The following CATSPERT variants were observed in gnomAD, a reference collection of about 807,000 sequenced individuals.
CATSPERT encodes catsper channel auxiliary subunit tau.
chr2:201,575,410 T>C, the CATSPERT span: 1 of 1,088,398 alleles, frequency 9.2e-7, no homozygotes, highest in Admixed American at 2.8e-5. Context: ...CCCCAACCCC[T>C]AGGCCATGGA....
the CATSPERT span, among the ~76,000 whole-genome samples, chr2:201,599,286 CT>C: frequency 6.6e-6 from 1 of 152,156 alleles, no homozygotes; most frequent in Non-Finnish European, 1.5e-5. Context: ...CAGAAGCTGC[CT>C]TTTCGACCTC....
chr2:201,595,674 A>G, the CATSPERT span, among the ~76,000 whole-genome samples: 24 of 152,190 alleles, frequency 1.6e-4, no homozygotes, highest in African/African-American at 5.8e-4. Flanking sequence ...GTGCTGGGAG[A>G]ACCACTGCTC....
the CATSPERT span, among the ~76,000 whole-genome samples, chr2:201,517,284 G>T: frequency 2.6e-5 from 4 of 152,034 alleles, no homozygotes; most frequent in Admixed American, 1.3e-4. Context: ...TCATTAACAG[G>T]CAAGACAAGG....
At chr2:201,492,027 A>G in the CATSPERT span, 1 of 1,535,960 alleles carries the variant, frequency 6.5e-7, no homozygotes, top group East Asian at 2.5e-5. Flanking sequence ...CTTCTTCCTT[A>G]GTGTAATAAC....
chr2:201,529,889 T>C, the CATSPERT span, among the ~76,000 whole-genome samples: 1 of 151,930 alleles, frequency 6.6e-6, no homozygotes, highest in Admixed American at 6.6e-5. Context: ...ATATATAAGG[T>C]ACACAAACAA....
chr2:201,530,105 G>A, the CATSPERT span, among the ~76,000 whole-genome samples: 15 of 152,084 alleles, frequency 9.9e-5, no homozygotes, highest in Non-Finnish European at 2.2e-4. Flanking sequence ...AGAATGATAC[G>A]TGTTGGCAAG....
At chr2:201,612,836 C>T in the CATSPERT span, among the ~76,000 whole-genome samples, 5 of 152,156 alleles carry the variant, frequency 3.3e-5, no homozygotes, top group African/African-American at 1.2e-4. Context: ...CCTGGAAAAT[C>T]GGGACACTCC....
the CATSPERT span, among the ~76,000 whole-genome samples, chr2:201,540,466 C>T: frequency 6.6e-6 from 1 of 152,186 alleles, no homozygotes; most frequent in Non-Finnish European, 1.5e-5. Flanking sequence ...GAAGCCAATG[C>T]TCATTTACCA....
the CATSPERT span, among the ~76,000 whole-genome samples, chr2:201,489,514 A>G: frequency 6.6e-6 from 1 of 152,324 alleles, no homozygotes; most frequent in East Asian, 1.9e-4. Flanking sequence ...CTATATAGCT[A>G]ATATTTAGCT....
At chr2:201,608,001 G>A in the CATSPERT span, among the ~76,000 whole-genome samples, 3 of 152,290 alleles carry the variant, frequency 2.0e-5, no homozygotes, top group East Asian at 3.9e-4. Flanking sequence ...GCTTTGTCAT[G>A]TAGCTCTAGC....
the CATSPERT span, among the ~76,000 whole-genome samples, chr2:201,613,828 G>A: frequency 6.6e-6 from 1 of 152,130 alleles, no homozygotes; most frequent in Non-Finnish European, 1.5e-5. Context: ...TCAGATGAAT[G>A]GCTAATTAGA....
the CATSPERT span, among the ~76,000 whole-genome samples, chr2:201,530,339 T>C: frequency 1.3e-5 from 2 of 152,188 alleles, no homozygotes; most frequent in African/African-American, 4.8e-5. Flanking sequence ...AGCTAAGATA[T>C]GGAAGCAACT....
At chr2:201,586,766 CTACT>C in the CATSPERT span, among the ~76,000 whole-genome samples, 1 of 151,810 alleles carries the variant, frequency 6.6e-6, no homozygotes, top group African/African-American at 2.4e-5. Flanking sequence ...AGAATTGTGC[CTACT>C]GTGTTACTTT....
At chr2:201,575,186 A>C in the CATSPERT span, 2 of 1,038,420 alleles carry the variant, frequency 1.9e-6, no homozygotes, top group East Asian at 5.4e-5. Flanking sequence ...GAATAAAAAC[A>C]TGTAGGCTAC....
chr2:201,542,057 C>A, the CATSPERT span, among the ~76,000 whole-genome samples: 48 of 152,254 alleles, frequency 3.2e-4, no homozygotes, highest in Admixed American at 2.7e-3. Context: ...CTGTGCCCAG[C>A]CAGCAATTAA....
the CATSPERT span, among the ~76,000 whole-genome samples, chr2:201,511,061 G>A: frequency 6.6e-6 from 1 of 152,126 alleles, no homozygotes; most frequent in Non-Finnish European, 1.5e-5. Flanking sequence ...CATGAAAATT[G>A]TTCACTCATT....
At chr2:201,613,218 C>T in the CATSPERT span, among the ~76,000 whole-genome samples, 21 of 152,316 alleles carry the variant, frequency 1.4e-4, no homozygotes, top group South Asian at 2.1e-4. Flanking sequence ...TCTCCTAGCA[C>T]GGAGTTTGAG....
chr2:201,488,142 A>G, the CATSPERT span, among the ~76,000 whole-genome samples: 1 of 152,226 alleles, frequency 6.6e-6, no homozygotes, highest in Non-Finnish European at 1.5e-5. Context: ...ATACTATGCT[A>G]GCAACCATGC....
chr2:201,614,999 A>G, the CATSPERT span, among the ~76,000 whole-genome samples: 4 of 152,192 alleles, frequency 2.6e-5, no homozygotes, highest in African/African-American at 9.6e-5. Context: ...CAATTCAACA[A>G]GAAGAGCTAT....
Sources: gnomAD v4.1 joint callset for allele counts (sites outside exome capture counted in the v4.1 genomes callset) on GRCh38, gnomAD v4.1.1 for gene constraint, MANE v1.5 for transcripts, NCBI Gene and HGNC (gene_info 2026-07-23, HGNC 2026-07-21) for gene names.